PHACTR1: variants seen among roughly 807,000 people sequenced by gnomAD.
PHACTR1 encodes the protein phosphatase and actin regulator 1.
A neutral mutation model predicts 69.2 loss-of-function variants in PHACTR1; 16 were observed. The observed-to-expected ratio is 0.23, with a 90% CI of 0.16 to 0.35. The LOEUF (loss-of-function observed/expected upper bound fraction) is 0.35. PHACTR1 is among the 10% of genes least tolerant of loss of function. The pLI, the probability that PHACTR1 is intolerant of heterozygous loss-of-function variation, is 1.00. For synonymous variants in PHACTR1, 312 were observed against 284.5 expected (o/e 1.10, Z -0.97); for missense variants, 510 against 734.7 (o/e 0.69, Z 3.54).
At chr6:13,016,362 C>T (rs1398343637) in intron 4 of PHACTR1, among the ~76,000 whole-genome samples, 1 of 152,172 alleles carries the variant, frequency 6.6e-6, no homozygotes, top group Non-Finnish European at 1.5e-5. Flanking sequence ...CCGAAGAGGC[C>T]ACTTGGTGGC....
intron 4 of PHACTR1, among the ~76,000 whole-genome samples, chr6:13,037,309 C>A (rs541795931): frequency 2.8e-4 from 42 of 151,978 alleles, no homozygotes; most frequent in African/African-American, 9.6e-4. Flanking sequence ...CCTACAGGCA[C>A]CCCCCCAAAC....
At chr6:13,145,171 A>G (rs919764418) in intron 5 of PHACTR1, among the ~76,000 whole-genome samples, 1 of 152,232 alleles carries the variant, frequency 6.6e-6, no homozygotes, top group Non-Finnish European at 1.5e-5. Flanking sequence ...ATCAGAATCA[A>G]CAGAAAATCT....
Position 12,849,696 on chromosome 6 carries a change from T to A in PHACTR1, c.250+99906T>A, listed in dbSNP as rs530978898. On this transcript the variant is annotated intron_variant, in intron 4 of 14. Transcript: ENST00000332995. ...CCATGAACTATGATGTCATAAACCA[T>A]CATCTGTGCAGCATTTAGAAGTTTT... Among the ~76,000 whole-genome samples, 11 of 152,234 alleles carry A rather than the reference T, an allele frequency of 7.2e-5. No homozygotes were observed. The East Asian group carries it at 2.1e-3, about 29-fold the overall frequency.
chr6:13,086,327 T>C (rs981371420), intron 5 of PHACTR1, among the ~76,000 whole-genome samples: 1 of 152,172 alleles, frequency 6.6e-6, no homozygotes, highest in Non-Finnish European at 1.5e-5. Flanking sequence ...TATTTTCTTT[T>C]AAAACATTTT....
intron 6 of PHACTR1, among the ~76,000 whole-genome samples, chr6:13,177,763 G>A (rs146334708): frequency 1.3e-3 from 193 of 152,314 alleles, no homozygotes; most frequent in African/African-American, 4.3e-3. Flanking sequence ...TCACTTATGG[G>A]AGGAGCGGCA....
intron 8 of PHACTR1, among the ~76,000 whole-genome samples, chr6:13,216,897 A>G (rs920914564): frequency 4.6e-5 from 7 of 152,236 alleles, no homozygotes; most frequent in Non-Finnish European, 1.0e-4. Context: ...TGTACAAACC[A>G]TTAACACCTT....
intron 4 of PHACTR1, among the ~76,000 whole-genome samples, chr6:12,900,980 G>A (rs1023698529): frequency 6.6e-6 from 1 of 152,120 alleles, no homozygotes; most frequent in Non-Finnish European, 1.5e-5. Context: ...TGTTGATAAA[G>A]GGACAATCTG....
intron 5 of PHACTR1, among the ~76,000 whole-genome samples, chr6:13,116,491 A>G (rs549056269): frequency 6.6e-6 from 1 of 152,280 alleles, no homozygotes; most frequent in Admixed American, 6.5e-5. Context: ...TGCCTTGAAA[A>G]ACTATTGAAG....
rs565813787 is a variant in PHACTR1, at chr6:13,142,355, C to T, written c.416-17849C>T. Among the ~76,000 whole-genome samples the T allele has an allele frequency of 1.1e-3, 163 of 152,212 alleles. 1 individual carries two copies. Among genetic ancestry groups the T allele is most frequent in the African/African-American group, 3.8e-3 (158 of 41,522 alleles). On this transcript the variant is annotated intron_variant, in intron 5 of 14. Coordinates refer to ENST00000332995, the MANE Select transcript of PHACTR1 (RefSeq NM_030948.6). ...CTGACCTCTAGTGATCCACCTGCCT[C>T]GGCCTCCCAAAGTGCTAGGATTACA...
At chr6:12,792,047 G>T (rs981818310) in intron 4 of PHACTR1, among the ~76,000 whole-genome samples, 1 of 152,156 alleles carries the variant, frequency 6.6e-6, no homozygotes, top group Non-Finnish European at 1.5e-5. Flanking sequence ...TCCCAAAGAA[G>T]ATGTTAGTAT....
At chr6:12,842,734 CAG>C (rs1778822749) in intron 4 of PHACTR1, among the ~76,000 whole-genome samples, 1 of 151,856 alleles carries the variant, frequency 6.6e-6, no homozygotes, top group Non-Finnish European at 1.5e-5. Flanking sequence ...TTGTTAGAGA[CAG>C]GGTCTCACTC....
intron 5 of PHACTR1, among the ~76,000 whole-genome samples, chr6:13,112,729 G>C (rs1361569212): frequency 6.6e-6 from 1 of 151,836 alleles, no homozygotes; most frequent in African/African-American, 2.4e-5. Flanking sequence ...AGGTTGTTTT[G>C]TTTTTTTCTT....
At chr6:12,926,955 A>G (rs902478359) in intron 4 of PHACTR1, among the ~76,000 whole-genome samples, 1 of 152,216 alleles carries the variant, frequency 6.6e-6, no homozygotes, top group African/African-American at 2.4e-5. Context: ...CATTTCTGCC[A>G]GCTCCTGCAA....
rs796923836 is a variant in PHACTR1 at position 13,000,614 on chromosome 6, G to GAGGAAGGA, written c.251-52731_251-52724dup. On this transcript the variant is annotated intron_variant, in intron 4 of 14. Transcript: ENST00000332995. ...AGAGAAGAGAGGGAAGGAGGGAAGGGAGGAAGGAAGGAAGGAAGGAAGGAA... is the reference window on the plus strand; with the variant it reads ...AGAGAAGAGAGGGAAGGAGGGAAGGGAGGAAGGAAGGAAGGAAGGAAGGAAGGAAGGAA... Among the ~76,000 whole-genome samples the GAGGAAGGA allele has an allele frequency of 6.9e-3, 718 of 103,752 alleles. 14 individuals carry two copies. The highest frequency in any genetic ancestry group is 0.023 in the South Asian group (56 of 2,392). The allele number at this position is 103,752 out of a possible 152,430, so 68.1% of individuals were successfully genotyped here. A position where few individuals can be genotyped will look rare whatever the true frequency, so the allele number is the denominator to read the frequency against.
At chr6:13,012,751 G>T (rs1206851335) in intron 4 of PHACTR1, among the ~76,000 whole-genome samples, 1 of 152,202 alleles carries the variant, frequency 6.6e-6, no homozygotes, top group Non-Finnish European at 1.5e-5. Context: ...TCTCTAAAAG[G>T]TGATATCGGA....
At chr6:12,828,717 A>T (rs1220388284) in intron 4 of PHACTR1, among the ~76,000 whole-genome samples, 2 of 152,008 alleles carry the variant, frequency 1.3e-5, no homozygotes, top group East Asian at 3.9e-4. Context: ...ATAAACAAAA[A>T]CCGACCAAAA....
At chr6:12,824,898 C>T (rs1454540985) in intron 4 of PHACTR1, among the ~76,000 whole-genome samples, 1 of 152,124 alleles carries the variant, frequency 6.6e-6, no homozygotes, top group African/African-American at 2.4e-5. Context: ...ACCACAGTGA[C>T]CTTGGGCAGG....
intron 6 of PHACTR1, among the ~76,000 whole-genome samples, chr6:13,181,580 C>G (rs1278277281): frequency 6.6e-6 from 1 of 152,204 alleles, no homozygotes; most frequent in South Asian, 2.1e-4. Flanking sequence ...GCCTTTGATC[C>G]TGCACCGTGG....
chr6:13,052,688 G>T (rs74683709), intron 4 of PHACTR1, among the ~76,000 whole-genome samples: 11,683 of 152,160 alleles, frequency 0.077, 1,475 homozygotes, highest in African/African-American at 0.27. Context: ...TTTCCCTAAA[G>T]ATACCCCCAG....
Sources: allele counts gnomAD v4.1 joint callset (sites outside exome capture counted in the v4.1 genomes callset), GRCh38; gene constraint gnomAD v4.1.1; transcripts MANE v1.5; gene names NCBI Gene and HGNC (gene_info 2026-07-23, HGNC 2026-07-21).